SYNDIG1: variants seen among roughly 807,000 people sequenced by gnomAD.
The protein encoded by SYNDIG1 is synapse differentiation-inducing gene protein 1.
A neutral mutation model predicts 19.4 loss-of-function variants in SYNDIG1; 9 were observed. The observed-to-expected ratio is 0.46, with a 90% CI of 0.28 to 0.81. The LOEUF (loss-of-function observed/expected upper bound fraction) is 0.81, where lower values mean the gene tolerates loss of function less well. Ranked by LOEUF, SYNDIG1 falls within the 30% of genes least tolerant of loss-of-function variation. The pLI is 0.12. For missense variants in SYNDIG1, 311 were observed against 343.3 expected, an observed-to-expected ratio of 0.91 and a Z score of 0.74; for synonymous variants, 141 against 145.9, an observed-to-expected ratio of 0.97 and a Z score of 0.24.
chr20:24,581,421 G>T (rs2058321053), intron 2 of SYNDIG1, among the ~76,000 whole-genome samples: 1 of 152,108 alleles, frequency 6.6e-6, no homozygotes, highest in Non-Finnish European at 1.5e-5. Flanking sequence ...CTGAGGTCAA[G>T]GGCTGAGCTG....
At chr20:24,480,156 G>T (rs566838018) in intron 1 of SYNDIG1, among the ~76,000 whole-genome samples, 8 of 152,132 alleles carry the variant, frequency 5.3e-5, no homozygotes, top group Admixed American at 5.2e-4. Context: ...TGGCATCCCC[G>T]CTTCTAGGTG....
intron 3 of SYNDIG1, among the ~76,000 whole-genome samples, chr20:24,624,231 G>C (rs1055712001): frequency 1.3e-5 from 2 of 148,750 alleles, no homozygotes; most frequent in Admixed American, 1.3e-4. Context: ...AATCCAGCCC[G>C]GGTGACAGAA....
intron 2 of SYNDIG1, among the ~76,000 whole-genome samples, chr20:24,566,765 G>A (rs192161345): frequency 4.7e-4 from 72 of 152,326 alleles, no homozygotes; most frequent in Admixed American, 1.6e-3. Context: ...TCCCAAGTCC[G>A]TCAGGCTTCA....
chr20:24,520,117 C>T (rs916312710), intron 1 of SYNDIG1, among the ~76,000 whole-genome samples: 4 of 151,932 alleles, frequency 2.6e-5, no homozygotes, highest in South Asian at 2.1e-4. Context: ...TGATGGAGTC[C>T]GACGGGGCTT....
chr20:24,479,435 A>G (rs544069428), intron 1 of SYNDIG1, among the ~76,000 whole-genome samples: 69 of 152,188 alleles, frequency 4.5e-4, no homozygotes, highest in African/African-American at 1.6e-3. Context: ...CCCTTACCCA[A>G]GGCCATCTCT....
intron 2 of SYNDIG1, among the ~76,000 whole-genome samples, chr20:24,584,075 G>C (rs1012648011): frequency 1.2e-4 from 18 of 152,122 alleles, no homozygotes; most frequent in African/African-American, 4.3e-4. Context: ...CCTGTGCCCA[G>C]CTTCACCCTG....
chr20:24,665,615 G>A lies in SYNDIG1; in HGVS notation c.*111G>A, dbSNP rs1366874942. On this transcript the variant is annotated 3_prime_UTR_variant, in exon 4 of 4. Coordinates refer to ENST00000376862, the MANE Select transcript of SYNDIG1 (RefSeq NM_024893.3). ...ACAAATGATTGCCAAATGATGCCACGAAGCCCTGGGATTTCCTACCCATGG... is the reference window on the plus strand; with the variant it reads ...ACAAATGATTGCCAAATGATGCCACAAAGCCCTGGGATTTCCTACCCATGG... 6.2e-6 allele frequency: 9 copies of A among 1,448,486 alleles called. No individual in the cohort carries two copies. The highest frequency in any genetic ancestry group is 3.9e-5 in the South Asian group (3 of 76,518). The allele number at this position is 1,448,486 out of a possible 1,614,324, so 89.7% of individuals were successfully genotyped here.
chr20:24,569,634 T>G (rs547417751), intron 2 of SYNDIG1, among the ~76,000 whole-genome samples: 4 of 152,288 alleles, frequency 2.6e-5, no homozygotes, highest in African/African-American at 9.6e-5. Context: ...ATTATCTAAA[T>G]CAAAACCAAA....
Position 24,476,679 on chromosome 20 carries a change from C to A in SYNDIG1, c.-79+6926C>A, listed in dbSNP as rs545940858. 9.0e-3 allele frequency among the ~76,000 whole-genome samples: 1,360 copies of A among 151,218 alleles called. 3 individuals carry two copies. The highest frequency in any genetic ancestry group is 0.017 in the Middle Eastern group (5 of 292). The stretch of plus-strand genomic sequence containing the variant: ...AGCAAGACTCCAACTAAAAAAAAAA[C>A]AAACAAACAAACAAAAAAAACAAAA... On this transcript the variant is annotated intron_variant, in intron 1 of 3. Coordinates refer to ENST00000376862, the MANE Select transcript of SYNDIG1 (RefSeq NM_024893.3).
chr20:24,521,525 T>G lies in SYNDIG1; in HGVS notation c.-78-21495T>G, dbSNP rs573590694. 2.0e-5 allele frequency among the ~76,000 whole-genome samples: 3 copies of G among 152,040 alleles called. No individual in the cohort carries two copies. In the South Asian group the frequency reaches 6.3e-4, roughly 32 times the overall value. ...TCACTGGCAACGCACAGGGTTCCAG[T>G]TTCTCTACAATAATATGAATTTTAA... On this transcript the variant is annotated intron_variant, in intron 1 of 3. Transcript: ENST00000376862.
At chr20:24,650,357 A>T (rs1340862829) in intron 3 of SYNDIG1, among the ~76,000 whole-genome samples, 1 of 152,202 alleles carries the variant, frequency 6.6e-6, no homozygotes, top group East Asian at 1.9e-4. Flanking sequence ...GCTAGAAATA[A>T]ATGGCCCATC....
chr20:24,580,718 T>A (rs2058308668), intron 2 of SYNDIG1, among the ~76,000 whole-genome samples: 1 of 152,192 alleles, frequency 6.6e-6, no homozygotes, highest in South Asian at 2.1e-4. Flanking sequence ...CCTCAGTTTT[T>A]AAAATCTATT....
intron 1 of SYNDIG1, among the ~76,000 whole-genome samples, chr20:24,526,566 T>C (rs1458858434): frequency 6.6e-6 from 1 of 152,158 alleles, no homozygotes; most frequent in East Asian, 1.9e-4. Context: ...CATTTATATA[T>C]ATAGAGAGAG....
rs546082288 is a variant in SYNDIG1 at position 24,567,731 on chromosome 20, G to A, written c.481-17125G>A. Among the ~76,000 whole-genome samples the A allele has an allele frequency of 2.0e-5, 3 of 152,350 alleles. No homozygotes were observed. The East Asian group carries it at 5.8e-4, about 29-fold the overall frequency. On this transcript the variant is annotated intron_variant, in intron 2 of 3. Coordinates refer to ENST00000376862, the MANE Select transcript of SYNDIG1 (RefSeq NM_024893.3). ...TACTGCCTCCCTGAAAACTCAGGAG[G>A]CTCCTTCCAGGATGGGAGGGAGGCA...
At chr20:24,605,063 G>A (rs956589696) in intron 3 of SYNDIG1, among the ~76,000 whole-genome samples, 1 of 152,088 alleles carries the variant, frequency 6.6e-6, no homozygotes, top group African/African-American at 2.4e-5. Flanking sequence ...GTAGTTGGGG[G>A]GCATCTGGGT....
intron 2 of SYNDIG1, among the ~76,000 whole-genome samples, chr20:24,546,653 A>C (rs1367334082): frequency 6.6e-6 from 1 of 152,146 alleles, no homozygotes; most frequent in Non-Finnish European, 1.5e-5. Flanking sequence ...TATCTCATTG[A>C]CCAGAGCAGG....
chr20:24,593,506 C>T (rs2058547030), intron 3 of SYNDIG1, among the ~76,000 whole-genome samples: 1 of 152,112 alleles, frequency 6.6e-6, no homozygotes, highest in African/African-American at 2.4e-5. Context: ...CATATGCACG[C>T]ATATGTCTTT....
intron 2 of SYNDIG1, among the ~76,000 whole-genome samples, chr20:24,578,449 A>C (rs1600669811): frequency 6.6e-6 from 1 of 151,982 alleles, no homozygotes; most frequent in Non-Finnish European, 1.5e-5. Context: ...ATCAAAAAAA[A>C]AAAAAAGAAA....
At chr20:24,513,706 A>T (rs1461605247) in intron 1 of SYNDIG1, among the ~76,000 whole-genome samples, 1 of 152,216 alleles carries the variant, frequency 6.6e-6, no homozygotes, top group East Asian at 1.9e-4. Flanking sequence ...ACTCTGCAGG[A>T]TATTATCCAG....
Sources: gnomAD v4.1 joint callset for allele counts (sites outside exome capture counted in the v4.1 genomes callset) on GRCh38, gnomAD v4.1.1 for gene constraint, MANE v1.5 for transcripts, NCBI Gene and HGNC (gene_info 2026-07-23, HGNC 2026-07-21) for gene names.